The following TCTN2 variants were observed in gnomAD, a reference collection of about 807,000 sequenced individuals.
TCTN2 encodes tectonic family member 2, also known as tectonic-2.
In TCTN2, 66 loss-of-function variants were observed where a neutral mutation model predicts 83.4. The ratio of observed to expected loss-of-function variants is 0.79; its 90% CI spans 0.65 to 0.97. The LOEUF (loss-of-function observed/expected upper bound fraction) is 0.97, where lower values mean the gene tolerates loss of function less well. Ranked by LOEUF, TCTN2 falls within the 50% of genes least tolerant of loss-of-function variation. TCTN2 has a pLI of 0.00. For synonymous variants in TCTN2, 301 were observed against 326.7 expected, an observed-to-expected ratio of 0.92 and a Z score of 0.85; for missense variants, 794 against 858.1, an observed-to-expected ratio of 0.93 and a Z score of 0.93.
Position 123,686,846 on chromosome 12 carries a change from C to T in TCTN2, c.575C>T (p.Ser192Leu). ...VRCCCDQECS[S>L]NLTTLFRRSC... Reference sequence around the variant, plus strand: ...ATGTTTGTCTTCCAGGAATGCTCATCAAATTTAACAACGCTGTTCAGACGG... The same window carrying T: ...ATGTTTGTCTTCCAGGAATGCTCATTAAATTTAACAACGCTGTTCAGACGG... The change falls in exon 6 of 18, where the codon TCA (serine) becomes TTA (leucine). Residue 192 changes from serine (S) to leucine (L), a missense_variant. By Grantham distance (145) the Ser-to-Leu change is moderately radical (BLOSUM62 -2). Coordinates refer to ENST00000303372, the MANE Select transcript of TCTN2 (RefSeq NM_024809.5). 6.2e-7 allele frequency: 1 copy of T among 1,614,186 alleles called. No homozygotes were observed. Among genetic ancestry groups the T allele is most frequent in the Non-Finnish European group, 8.5e-7 (1 of 1,180,046 alleles).
At chr12:123,680,588 G>A (rs1204241639) in intron 5 of TCTN2, among the ~76,000 whole-genome samples, 1 of 150,132 alleles carries the variant, frequency 6.7e-6, no homozygotes, top group Non-Finnish European at 1.5e-5. Context: ...ACGATCTCGG[G>A]TCACTGCAAC....
At chr12:123,680,810 C>A (rs1276401942) in intron 5 of TCTN2, among the ~76,000 whole-genome samples, 60 of 151,922 alleles carry the variant, frequency 3.9e-4, no homozygotes, top group Admixed American at 3.9e-3. Flanking sequence ...AGCCACTGCA[C>A]TGGGCCTAAA....
Position 123,707,907 on chromosome 12 carries a change from A to C in TCTN2, c.*194A>C, listed in dbSNP as rs953784961. On this transcript the variant is annotated 3_prime_UTR_variant, in exon 18 of 18. Transcript: ENST00000303372. ...GTATTTTTAGTAGAGACAGGGTTCC[A>C]CCGTATTGGCCAGGCTGCTCTCGAA... is the stretch of plus-strand genomic sequence containing the variant. 3 of 578,882 alleles carry C rather than the reference A, an allele frequency of 5.2e-6. No homozygotes were observed. The Admixed American group carries it at 7.6e-5, about 15-fold the overall frequency. 35.9% of individuals were successfully genotyped at this position (578,882 alleles called of 1,614,324 possible). A position where few individuals can be genotyped will look rare whatever the true frequency, so the allele number is the denominator to read the frequency against.
rs541528129 is a variant in TCTN2 at position 123,675,856 on chromosome 12, T to C, written c.463+2046T>C. Among the ~76,000 whole-genome samples, 6 of 152,294 alleles carry C rather than the reference T, an allele frequency of 3.9e-5. No individual in the cohort carries two copies. The East Asian group carries it at 1.2e-3, about 29-fold the overall frequency. ...GTTACCCACTTAAAAGTTTTAAATT[T>C]TTCTATGGCTTAAAATTCAAAACAA... On this transcript the variant is annotated intron_variant, in intron 4 of 17. Coordinates refer to ENST00000303372, the MANE Select transcript of TCTN2 (RefSeq NM_024809.5).
Position 123,696,504 on chromosome 12 carries a change from G to A in TCTN2, c.1393+9G>A, listed in dbSNP as rs1477149947. 5.0e-6 allele frequency: 8 copies of A among 1,612,304 alleles called. No homozygotes were observed. The highest frequency in any genetic ancestry group is 1.3e-5 in the African/African-American group (1 of 74,896). On this transcript the variant is annotated intron_variant, in intron 12 of 17. Transcript: ENST00000303372. Reference sequence around the variant, plus strand: ...ACATCTTTGGCAATCGGGTAATCCGGTTTGGTCATTATGATTAGCCCTTTG... The same window carrying A: ...ACATCTTTGGCAATCGGGTAATCCGATTTGGTCATTATGATTAGCCCTTTG...
At chr12:123,683,175 A>G (rs1374792286) in intron 5 of TCTN2, among the ~76,000 whole-genome samples, 2 of 151,048 alleles carry the variant, frequency 1.3e-5, no homozygotes, top group Non-Finnish European at 3.0e-5. Flanking sequence ...GTGAGCCAAG[A>G]TCGTACCACT....
intron 2 of TCTN2, 115 bp downstream of exon 2, chr12:123,671,729 C>A: frequency 2.3e-6 from 2 of 877,422 alleles, no homozygotes; most frequent in Non-Finnish European, 1.8e-6. Flanking sequence ...TGCAAAGTCG[C>A]ATGGGGAGAA....
At chr12:123,691,766 C>G (rs1481236256) in intron 8 of TCTN2, among the ~76,000 whole-genome samples, 3 of 148,380 alleles carry the variant, frequency 2.0e-5, no homozygotes, top group African/African-American at 7.5e-5. Flanking sequence ...GAGTCTTGCT[C>G]TGTCACCCAG....
chr12:123,703,822 C>T (rs1388632013), intron 14 of TCTN2, among the ~76,000 whole-genome samples: 1 of 152,086 alleles, frequency 6.6e-6, no homozygotes, highest in East Asian at 1.9e-4. Context: ...AAATGTCTTA[C>T]ACAGCTTTTA....
chr12:123,707,550 G>A (rs1469369917), intron 17 of TCTN2, 54 bp from the exon 18 acceptor site: 2 of 1,529,428 alleles, frequency 1.3e-6, no homozygotes, highest in South Asian at 1.1e-5. Flanking sequence ...TACCTACACT[G>A]TTATCAAAAG....
chr12:123,691,983 C>T (rs2135842069), intron 8 of TCTN2, among the ~76,000 whole-genome samples: 1 of 152,254 alleles, frequency 6.6e-6, no homozygotes, highest in South Asian at 2.1e-4. Context: ...CAACCTCCAC[C>T]TCCTGGGTTC....
At chr12:123,682,573 C>T (rs933129515) in intron 5 of TCTN2, among the ~76,000 whole-genome samples, 1 of 151,476 alleles carries the variant, frequency 6.6e-6, no homozygotes, top group African/African-American at 2.4e-5. Flanking sequence ...CCTCCGCCTC[C>T]CAGGTTCAAG....
Position 123,688,054 on chromosome 12 carries a change from C to T in TCTN2, c.768C>T (p.Ser256=). 1 of 1,613,924 alleles carries T rather than the reference C, an allele frequency of 6.2e-7. No individual in the cohort carries two copies. Among genetic ancestry groups the T allele is most frequent in the South Asian group, 1.1e-5 (1 of 91,066 alleles). The change falls in exon 7 of 18, where the codon TCC becomes TCT. Residue 256 remains serine, a synonymous_variant. Coordinates refer to ENST00000303372, the MANE Select transcript of TCTN2 (RefSeq NM_024809.5). ...FLGYFYHGAV[S]PKQDSSFEVY... ...AGCCTTTCTTATTGATTTTCAGTTCCCCCAAACAGGACTCTTCCTTTGAAG... is the reference window on the plus strand; with the variant it reads ...AGCCTTTCTTATTGATTTTCAGTTCTCCCAAACAGGACTCTTCCTTTGAAG...
intron 4 of TCTN2, among the ~76,000 whole-genome samples, chr12:123,675,377 C>T (rs1321836882): frequency 1.3e-5 from 2 of 152,138 alleles, no homozygotes; most frequent in Non-Finnish European, 1.5e-5. Flanking sequence ...TCTCCGGTGG[C>T]GAACTCTGAC....
intron 3 of TCTN2, 42 bp from the exon 4 acceptor site, chr12:123,673,573 G>A: frequency 6.3e-7 from 1 of 1,594,738 alleles, no homozygotes; most frequent in Non-Finnish European, 8.6e-7. Flanking sequence ...TATAGACCCT[G>A]TTTTGAGTCA....
intron 8 of TCTN2, among the ~76,000 whole-genome samples, chr12:123,691,194 A>G (rs560889462): frequency 6.6e-6 from 1 of 152,230 alleles, no homozygotes; most frequent in Non-Finnish European, 1.5e-5. Context: ...AAAGTGTACA[A>G]TTCATTGACA....
At chr12:123,678,054 AC>A (rs1955846383) in intron 4 of TCTN2, among the ~76,000 whole-genome samples, 1 of 151,980 alleles carries the variant, frequency 6.6e-6, no homozygotes, top group South Asian at 2.1e-4. Context: ...TTCAGTGTTT[AC>A]CCTTTATGGT....
intron 11 of TCTN2, chr12:123,696,202 C>A: frequency 1.8e-6 from 1 of 566,348 alleles, no homozygotes; most frequent in Non-Finnish European, 3.2e-6. Context: ...GTCTGTTGTA[C>A]ATAGTAACAA....
chr12:123,674,967 T>G (rs553840710), intron 4 of TCTN2, among the ~76,000 whole-genome samples: 6 of 152,274 alleles, frequency 3.9e-5, no homozygotes, highest in African/African-American at 9.6e-5. Context: ...AGCCTCAACC[T>G]TCCTGGTTCA....
Sources: allele counts gnomAD v4.1 joint callset (sites outside exome capture counted in the v4.1 genomes callset), GRCh38; gene constraint gnomAD v4.1.1; transcripts MANE v1.5; gene names NCBI Gene and HGNC (gene_info 2026-07-23, HGNC 2026-07-21).